Variants in STRN3 observed in about 807,000 individuals in gnomAD.
STRN3 encodes striatin 3, also known as striatin-3.
STRN3 carries 29 observed loss-of-function variants against 95.6 expected under a neutral mutation model. The ratio of observed to expected loss-of-function variants is 0.30; its 90% confidence interval spans 0.23 to 0.41. STRN3 has a LOEUF of 0.41. Ranked by LOEUF, STRN3 falls within the 10% of genes least tolerant of loss-of-function variation. The pLI is 1.00. For synonymous variants in STRN3, 331 were observed against 357.6 expected, an observed-to-expected ratio of 0.93 and a Z score of 0.84; for missense variants, 890 against 972.1, an observed-to-expected ratio of 0.92 and a Z score of 1.12.
rs1896353715 is a variant in STRN3 at position 30,902,591 on chromosome 14, A to C, written c.2082T>G (p.Pro694=). The C allele has an allele frequency of 6.2e-7, 1 of 1,609,468 alleles. No individual in the cohort carries two copies. Among genetic ancestry groups the C allele is most frequent in the Admixed American group, 1.7e-5 (1 of 59,176 alleles). ...INRVVSHPTL[P]VTITAHEDRH... is the part of the protein sequence containing the mutation. ...TATCTTCATGAGCAGTTATTGTAAC[A>C]GGAAGTGTGGGATGACTTACTACTC... The change falls in exon 16 of 18, where the codon CCT becomes CCG. Residue 694 remains proline (P), a synonymous_variant. Transcript: ENST00000357479.
intron 1 of STRN3, among the ~76,000 whole-genome samples, chr14:30,964,122 C>T (rs1880353129): frequency 3.3e-5 from 5 of 151,986 alleles, no homozygotes; most frequent in South Asian, 4.1e-4. Context: ...TGTGGTGGTG[C>T]GCATCTGTAG....
chr14:31,020,985 A>T (rs928040803), intron 1 of STRN3, among the ~76,000 whole-genome samples: 25 of 152,158 alleles, frequency 1.6e-4, no homozygotes, highest in Admixed American at 6.6e-5. Flanking sequence ...TACACCCAGG[A>T]TCTAGCACAA....
intron 12 of STRN3, 123 bp from the exon 13 acceptor site, chr14:30,911,285 C>A: frequency 2.0e-6 from 2 of 986,220 alleles, no homozygotes; most frequent in Non-Finnish European, 2.8e-6. Flanking sequence ...ACATGTACAC[C>A]TGACTGGTAC....
At chr14:31,016,646 C>A (rs1380223962) in intron 1 of STRN3, among the ~76,000 whole-genome samples, 2 of 152,076 alleles carry the variant, frequency 1.3e-5, no homozygotes, top group African/African-American at 2.4e-5. Flanking sequence ...CGGGTTAAAG[C>A]GATTCTCCTG....
intron 7 of STRN3, among the ~76,000 whole-genome samples, chr14:30,934,288 C>T (rs1208091288): frequency 6.6e-6 from 1 of 152,144 alleles, no homozygotes; most frequent in Non-Finnish European, 1.5e-5. Context: ...TGCACCACTG[C>T]ATTGCAGCCT....
chr14:30,929,368 T>C, intron 7 of STRN3, 57 bp from the exon 8 acceptor site: 1 of 1,351,734 alleles, frequency 7.4e-7, no homozygotes, highest in Non-Finnish European at 1.1e-6. Context: ...TGCAAGCTGT[T>C]GGCAGTAAAC....
At chr14:30,944,621 ATTT>A (rs58239655) in intron 5 of STRN3, among the ~76,000 whole-genome samples, 1 of 115,758 alleles carries the variant, frequency 8.6e-6, no homozygotes, top group African/African-American at 3.4e-5. Context: ...ATATATACAC[ATTT>A]TTTTTTTTTT....
At chr14:30,935,806 A>G (rs1878788216) in intron 6 of STRN3, among the ~76,000 whole-genome samples, 1 of 152,242 alleles carries the variant, frequency 6.6e-6, no homozygotes, top group African/African-American at 2.4e-5. Context: ...TACATATAGA[A>G]TGTGTCAAAA....
At chr14:30,981,778 T>G (rs1881413949) in intron 1 of STRN3, among the ~76,000 whole-genome samples, 1 of 152,068 alleles carries the variant, frequency 6.6e-6, no homozygotes, top group South Asian at 2.1e-4. Flanking sequence ...TTCATGAAAA[T>G]AACGTTTTCC....
At chr14:30,945,721 A>G (rs1879329478) in intron 5 of STRN3, among the ~76,000 whole-genome samples, 1 of 152,252 alleles carries the variant, frequency 6.6e-6, no homozygotes, top group Non-Finnish European at 1.5e-5. Context: ...TATAACACGG[A>G]TAAACCTTGA....
chr14:30,915,942 T>C (rs1896727472), intron 9 of STRN3, among the ~76,000 whole-genome samples: 1 of 152,240 alleles, frequency 6.6e-6, no homozygotes, highest in Non-Finnish European at 1.5e-5. Context: ...TATACTCATT[T>C]CTAATTAATC....
At chr14:30,937,405 T>C (rs1878875639) in intron 5 of STRN3, among the ~76,000 whole-genome samples, 1 of 152,172 alleles carries the variant, frequency 6.6e-6, no homozygotes, top group Non-Finnish European at 1.5e-5. Context: ...TTTCACAGAC[T>C]GTCTTAGCTA....
At chr14:30,950,551 GA>G (rs1566453309) in intron 4 of STRN3, among the ~76,000 whole-genome samples, 1 of 152,104 alleles carries the variant, frequency 6.6e-6, no homozygotes, top group Non-Finnish European at 1.5e-5. Context: ...CACCCACACT[GA>G]AAAGAAATGT....
At chr14:30,948,346 T>TA (rs1879469605) in intron 4 of STRN3, among the ~76,000 whole-genome samples, 1 of 152,146 alleles carries the variant, frequency 6.6e-6, no homozygotes, top group African/African-American at 2.4e-5. Context: ...TATACAGATG[T>TA]GGGTCATTAA....
intron 5 of STRN3, among the ~76,000 whole-genome samples, chr14:30,939,958 T>C (rs1879013587): frequency 6.6e-6 from 1 of 152,166 alleles, no homozygotes; most frequent in Non-Finnish European, 1.5e-5. Context: ...AGTATGTCCA[T>C]GTAAATCACA....
Position 30,958,530 on chromosome 14 carries a change from G to A in STRN3, c.283-2288C>T, listed in dbSNP as rs138524996. 6.9e-4 allele frequency among the ~76,000 whole-genome samples: 105 copies of A among 152,284 alleles called. No individual in the cohort carries two copies. The East Asian group carries it at 0.014, about 20-fold the overall frequency. On this transcript the variant is annotated intron_variant, in intron 1 of 17. Coordinates refer to ENST00000357479, the MANE Select transcript of STRN3 (RefSeq NM_001083893.2). ...ACTTTTAAGTAAGATTCTGACTAGTGTTTTCTCCTGTGTTGGCTGTTTGTT... is the reference window on the plus strand; with the variant it reads ...ACTTTTAAGTAAGATTCTGACTAGTATTTTCTCCTGTGTTGGCTGTTTGTT...
At chr14:30,943,075 C>T (rs1333511899) in intron 5 of STRN3, among the ~76,000 whole-genome samples, 5 of 152,186 alleles carry the variant, frequency 3.3e-5, no homozygotes, top group Admixed American at 1.3e-4. Context: ...CCATCCTCTA[C>T]TTTTGGACAT....
rs1446219323 is a variant in STRN3, at chr14:30,894,891, TTC to T, written c.*518_*519del. 29 of 897,878 alleles carry T rather than the reference TTC, an allele frequency of 3.2e-5. No homozygotes were observed. The highest frequency in any genetic ancestry group is 4.7e-5 in the Admixed American group (1 of 21,480). The allele number at this position is 897,878 out of a possible 1,614,324, so 55.6% of individuals were successfully genotyped here. A position where few individuals can be genotyped will look rare whatever the true frequency, so the allele number is the denominator to read the frequency against. On this transcript the variant is annotated 3_prime_UTR_variant, in exon 18 of 18. Transcript: ENST00000357479. Reference sequence around the variant, plus strand: ...AAATATTTTAAGTTAAATTTTCTTTTTCTTTTTTTTTTTTTTTAAAGCAAAAT... The same window carrying T: ...AAATATTTTAAGTTAAATTTTCTTTTTTTTTTTTTTTTTTTAAAGCAAAAT...
intron 1 of STRN3, among the ~76,000 whole-genome samples, chr14:30,993,711 C>G (rs1010828284): frequency 6.6e-6 from 1 of 152,158 alleles, no homozygotes; most frequent in African/African-American, 2.4e-5. Context: ...CACAGTCTCA[C>G]TCTTGTCGCC....
Sources: gnomAD v4.1 joint callset for allele counts (sites outside exome capture counted in the v4.1 genomes callset) on GRCh38, gnomAD v4.1.1 for gene constraint, MANE v1.5 for transcripts, NCBI Gene and HGNC (gene_info 2026-07-23, HGNC 2026-07-21) for gene names.